Variants in PPP2R2B observed in about 807,000 individuals in gnomAD.
PPP2R2B encodes the protein protein phosphatase 2 regulatory subunit Bbeta.
A neutral mutation model predicts 46.0 loss-of-function variants in PPP2R2B; 5 were observed. That is an observed-to-expected ratio of 0.11 (90% confidence interval 0.06 to 0.23). The LOEUF (loss-of-function observed/expected upper bound fraction) is 0.23. PPP2R2B is among the 10% of genes least tolerant of loss of function. The probability of loss-of-function intolerance (pLI) is 1.00; values close to 1 mark genes in which losing one functional copy is unlikely to be tolerated. For missense variants in PPP2R2B, 367 were observed against 575.0 expected (o/e 0.64, Z 3.70); for synonymous variants, 215 against 206.7 (o/e 1.04, Z -0.34).
chr5:146,739,526 G>T (rs1320810841), intron 2 of PPP2R2B, among the ~76,000 whole-genome samples: 1 of 152,226 alleles, frequency 6.6e-6, no homozygotes, highest in Admixed American at 6.5e-5. Context: ...CAATGAGACG[G>T]AAGCATGGAG....
chr5:147,029,213 C>T (rs894635743), intron 1 of PPP2R2B, among the ~76,000 whole-genome samples: 3 of 152,012 alleles, frequency 2.0e-5, no homozygotes, highest in Non-Finnish European at 2.9e-5. Context: ...TCATTTTAAA[C>T]GTTTTAACCT....
At chr5:146,605,739 C>T (rs1185348640) in intron 7 of PPP2R2B, among the ~76,000 whole-genome samples, 1 of 152,216 alleles carries the variant, frequency 6.6e-6, no homozygotes, top group Non-Finnish European at 1.5e-5. Context: ...TTTGATCATA[C>T]CTTTCTCCCC....
chr5:147,017,508 G>T (rs13169720), intron 1 of PPP2R2B, among the ~76,000 whole-genome samples: 72,696 of 151,150 alleles, frequency 0.48, 19,117 homozygotes, highest in Middle Eastern at 0.59. Flanking sequence ...TGAAGTTTAC[G>T]TAGAGAACAG....
chr5:146,982,074 C>A (rs1342914599), intron 1 of PPP2R2B, among the ~76,000 whole-genome samples: 1 of 152,102 alleles, frequency 6.6e-6, no homozygotes, highest in African/African-American at 2.4e-5. Flanking sequence ...CACTTCTAAC[C>A]AGTTCTTACT....
intron 1 of PPP2R2B, among the ~76,000 whole-genome samples, chr5:146,934,711 A>C (rs1764085413): frequency 6.6e-6 from 1 of 151,938 alleles, no homozygotes. Flanking sequence ...AAATATTTGA[A>C]AGTTGCATCC....
intron 1 of PPP2R2B, among the ~76,000 whole-genome samples, chr5:146,969,942 A>T (rs753544871): frequency 6.6e-6 from 1 of 152,198 alleles, no homozygotes; most frequent in Non-Finnish European, 1.5e-5. Flanking sequence ...CTCAGGGCAC[A>T]TATCTGGGCT....
At chr5:146,991,267 C>A (rs1305634294) in intron 1 of PPP2R2B, among the ~76,000 whole-genome samples, 2 of 152,126 alleles carry the variant, frequency 1.3e-5, no homozygotes, top group Non-Finnish European at 2.9e-5. Context: ...GAGACATCTG[C>A]ACTTCCATGT....
intron 2 of PPP2R2B, among the ~76,000 whole-genome samples, chr5:146,766,865 C>A (rs1754510205): frequency 6.6e-6 from 1 of 151,750 alleles, no homozygotes; most frequent in Non-Finnish European, 1.5e-5. Flanking sequence ...ACCAGCCTGG[C>A]CAATATGGTG....
Position 146,808,958 on chromosome 5 carries a change from G to GGTGTGTGTGTGTGTGT in PPP2R2B, c.70+69028_70+69043dup, listed in dbSNP as rs35023590. Among the ~76,000 whole-genome samples the GGTGTGTGTGTGTGTGT allele has an allele frequency of 5.9e-4, 86 of 146,372 alleles. 1 individual carries two copies. Among genetic ancestry groups the GGTGTGTGTGTGTGTGT allele is most frequent in the African/African-American group, 1.9e-3 (73 of 38,450 alleles). On this transcript the variant is annotated intron_variant, in intron 2 of 9. Transcript: ENST00000394411. Reference sequence around the variant, plus strand: ...GGCAGAAATGCCAGCTGCTAACACTGGTGTGTGTGTGTGTGTGTGTGTGTG... The same window carrying GGTGTGTGTGTGTGTGT: ...GGCAGAAATGCCAGCTGCTAACACTGGTGTGTGTGTGTGTGTGTGTGTGTGTGTGTGTGTGTGTGTG...
At chr5:146,641,036 T>A (rs1279407753) in intron 6 of PPP2R2B, among the ~76,000 whole-genome samples, 1 of 152,134 alleles carries the variant, frequency 6.6e-6, no homozygotes, top group Non-Finnish European at 1.5e-5. Context: ...ACCATGATTA[T>A]CCCTCTTTTT....
At chr5:146,943,502 AG>A (rs1764387527) in intron 1 of PPP2R2B, among the ~76,000 whole-genome samples, 1 of 152,218 alleles carries the variant, frequency 6.6e-6, no homozygotes, top group South Asian at 2.1e-4. Flanking sequence ...GTTGTAAGAA[AG>A]TAAATGACAT....
At position 146,589,897 on chromosome 5, in the gene PPP2R2B, T is replaced by C. The variant is rs1232103248; in HGVS notation, c.*50A>G. On this transcript the variant is annotated 3_prime_UTR_variant, in exon 10 of 10. Transcript: ENST00000394411. Reference sequence around the variant, plus strand: ...AGACCCAAAGAAACATTTAAAAACTTGTTTGACTAGTATTCAGTATGTGAG... The same window carrying C: ...AGACCCAAAGAAACATTTAAAAACTCGTTTGACTAGTATTCAGTATGTGAG... The C allele has an allele frequency of 1.3e-6, 2 of 1,548,098 alleles. No individual in the cohort carries two copies. Among genetic ancestry groups the C allele is most frequent in the Admixed American group, 3.5e-5 (2 of 57,492 alleles).
At chr5:146,766,208 G>A (rs1163636284) in intron 2 of PPP2R2B, among the ~76,000 whole-genome samples, 1 of 152,064 alleles carries the variant, frequency 6.6e-6, no homozygotes, top group African/African-American at 2.4e-5. Context: ...CACATACTTA[G>A]TAGTCTTTGA....
intron 5 of PPP2R2B, among the ~76,000 whole-genome samples, chr5:146,662,100 A>T (rs1169261545): frequency 2.6e-5 from 4 of 152,150 alleles, no homozygotes; most frequent in Admixed American, 2.0e-4. Flanking sequence ...TTGATCACCG[A>T]GGATTGACCA....
chr5:147,066,383 T>TGTA (rs1757415470), intron 2 of PPP2R2B, among the ~76,000 whole-genome samples: 1 of 152,330 alleles, frequency 6.6e-6, no homozygotes, highest in South Asian at 2.1e-4. Context: ...GAGCCCTGGA[T>TGTA]GTAGCTTCAA....
rs554703745 is a variant in PPP2R2B at position 146,767,862 on chromosome 5, C to T, written c.71-66720G>A. On this transcript the variant is annotated intron_variant, in intron 2 of 9. Transcript: ENST00000394411. ...AGAATCATATACAGTAGTTCCACCACCCTAAAAATGATCTGTGCCTAACCT... is the reference window on the plus strand; with the variant it reads ...AGAATCATATACAGTAGTTCCACCATCCTAAAAATGATCTGTGCCTAACCT... Among the ~76,000 whole-genome samples the T allele has an allele frequency of 4.6e-5, 7 of 152,274 alleles. No individual in the cohort carries two copies. In the East Asian group the frequency reaches 1.4e-3, roughly 29 times the overall value.
intron 1 of PPP2R2B, among the ~76,000 whole-genome samples, chr5:146,956,624 T>C (rs1050631340): frequency 1.3e-5 from 2 of 152,326 alleles, no homozygotes; most frequent in African/African-American, 4.8e-5. Context: ...CTTGAGATTA[T>C]AGCTCTTTCC....
At chr5:146,629,795 C>G (rs748162512) in intron 7 of PPP2R2B, among the ~76,000 whole-genome samples, 4 of 150,524 alleles carry the variant, frequency 2.7e-5, no homozygotes, top group African/African-American at 4.9e-5. Flanking sequence ...TCCCCTTTCT[C>G]CTTTCTTTCC....
At chr5:147,009,970 TTG>T (rs1197013576) in intron 1 of PPP2R2B, among the ~76,000 whole-genome samples, 1 of 151,774 alleles carries the variant, frequency 6.6e-6, no homozygotes, top group Non-Finnish European at 1.5e-5. Context: ...CACAGAGGTG[TTG>T]TGACTATTAA....
Sources: allele counts gnomAD v4.1 joint callset (sites outside exome capture counted in the v4.1 genomes callset), GRCh38; gene constraint gnomAD v4.1.1; transcripts MANE v1.5; gene names NCBI Gene and HGNC (gene_info 2026-07-23, HGNC 2026-07-21).